The following ABCA13 variants were observed in gnomAD, a reference collection of about 807,000 sequenced individuals.
ABCA13 encodes the protein ATP-binding cassette sub-family A member 13.
ABCA13 carries 476 observed loss-of-function variants against 478.7 expected under a neutral mutation model. The ratio of observed to expected loss-of-function variants is 0.99; its 90% CI spans 0.92 to 1.07. The LOEUF (loss-of-function observed/expected upper bound fraction) is 1.07. Among genes scored for constraint, ABCA13 ranks in the 50% least tolerant of loss-of-function variants. ABCA13 has a pLI of 0.00. For synonymous variants in ABCA13, 2,252 were observed against 2,158.9 expected (o/e 1.04, Z -1.20); for missense variants, 6,060 against 5,910.6 (o/e 1.03, Z -0.83).
chr7:48,483,641 C>T (rs1488461963), intron 47 of ABCA13, among the ~76,000 whole-genome samples: 1 of 152,132 alleles, frequency 6.6e-6, no homozygotes, highest in Non-Finnish European at 1.5e-5. Context: ...TAGGAATGGT[C>T]CCCTTAGAAT....
chr7:48,618,411 C>G (rs1266154474), intron 59 of ABCA13, among the ~76,000 whole-genome samples: 1 of 152,172 alleles, frequency 6.6e-6, no homozygotes, highest in African/African-American at 2.4e-5. Flanking sequence ...CTGGACTGAC[C>G]TCATCCTTAG....
chr7:48,345,036 C>T (rs919204548), intron 29 of ABCA13, among the ~76,000 whole-genome samples: 13 of 152,168 alleles, frequency 8.5e-5, no homozygotes, highest in Non-Finnish European at 1.6e-4. Flanking sequence ...CATTGATCTG[C>T]ATACATGATG....
chr7:48,302,637 G>A (rs113983692), intron 23 of ABCA13, among the ~76,000 whole-genome samples: 3,502 of 152,180 alleles, frequency 0.023, 50 homozygotes, highest in Non-Finnish European at 0.037. Flanking sequence ...GACGATAATG[G>A]CCTCCAGCTC....
chr7:48,230,867 T>C, intron 7 of ABCA13, among the ~76,000 whole-genome samples: 1 of 152,198 alleles, frequency 6.6e-6, no homozygotes, highest in South Asian at 2.1e-4. Context: ...ATTCATTCTC[T>C]CATTGAATAA....
At chr7:48,180,788 GT>G (rs1163287238) in intron 1 of ABCA13, among the ~76,000 whole-genome samples, 1 of 152,106 alleles carries the variant, frequency 6.6e-6, no homozygotes, top group Non-Finnish European at 1.5e-5. Flanking sequence ...TGTAGTCCCA[GT>G]TACTAGGGAG....
chr7:48,387,683 A>T (rs2129051227), intron 35 of ABCA13, 139 bp from the exon 36 acceptor site: 2 of 739,470 alleles, frequency 2.7e-6, no homozygotes, highest in East Asian at 2.9e-5. Flanking sequence ...GTGCCCTGGG[A>T]TATCACATTT....
chr7:48,240,469 G>A (rs142027977), intron 9 of ABCA13, among the ~76,000 whole-genome samples: 49 of 152,278 alleles, frequency 3.2e-4, no homozygotes, highest in African/African-American at 8.9e-4. Context: ...TGTCCGTGTC[G>A]TAAAATGACA....
chr7:48,406,458 G>T (rs767581500), intron 39 of ABCA13, among the ~76,000 whole-genome samples: 5 of 152,176 alleles, frequency 3.3e-5, no homozygotes, highest in East Asian at 1.9e-4. Context: ...TCAATGACAG[G>T]TTATCATTAT....
chr7:48,271,785 A>T lies in ABCA13; in HGVS notation c.2121-2A>T, dbSNP rs752998665. 2 of 1,444,014 alleles carry T rather than the reference A, an allele frequency of 1.4e-6. No homozygotes were observed. The highest frequency in any genetic ancestry group is 1.8e-6 in the Non-Finnish European group (2 of 1,093,660). 89.5% of individuals were successfully genotyped at this position (1,444,014 alleles called of 1,614,324 possible). On this transcript the variant is annotated splice_acceptor_variant, in intron 16 of 61. Transcript: ENST00000435803. LOFTEE classifies it high-confidence loss of function. ...ACTAAAATAATTCTATTAATATTAC[A>T]GGGCTTTAAATTTCACAAAGCACCT...
chr7:48,414,014 T>C (rs758297960), intron 41 of ABCA13, among the ~76,000 whole-genome samples: 4 of 152,196 alleles, frequency 2.6e-5, no homozygotes, highest in African/African-American at 4.8e-5. Context: ...CTGTATTCCA[T>C]GCATCATCAG....
At chr7:48,300,640 C>G (rs1800019525) in intron 23 of ABCA13, among the ~76,000 whole-genome samples, 1 of 152,184 alleles carries the variant, frequency 6.6e-6, no homozygotes, top group Non-Finnish European at 1.5e-5. Context: ...CAGAAGGAGG[C>G]AAATGCAGCA....
At chr7:48,572,756 T>G (rs1046768871) in intron 55 of ABCA13, among the ~76,000 whole-genome samples, 2 of 152,156 alleles carry the variant, frequency 1.3e-5, no homozygotes, top group Non-Finnish European at 2.9e-5. Flanking sequence ...ATGGCCTCAG[T>G]AAGTAACTTG....
At chr7:48,303,904 TA>T (rs1190475168) in intron 23 of ABCA13, among the ~76,000 whole-genome samples, 1 of 152,232 alleles carries the variant, frequency 6.6e-6, no homozygotes, top group East Asian at 1.9e-4. Flanking sequence ...AGGTATAACC[TA>T]ACACCTATTT....
At chr7:48,502,884 G>A (rs1413894878) in intron 48 of ABCA13, among the ~76,000 whole-genome samples, 3 of 152,158 alleles carry the variant, frequency 2.0e-5, no homozygotes, top group Admixed American at 1.3e-4. Context: ...CTGCTCACAA[G>A]TTTGAAAGGA....
At chr7:48,404,007 A>AT in intron 39 of ABCA13, 128 bp downstream of exon 39, 5 of 1,180,710 alleles carry the variant, frequency 4.2e-6, no homozygotes, top group Non-Finnish European at 6.1e-6. Context: ...AAAAATATAA[A>AT]TTTTTAAAAG....
intron 24 of ABCA13, among the ~76,000 whole-genome samples, chr7:48,311,268 C>CCA (rs1217719274): frequency 1.3e-5 from 2 of 151,556 alleles, no homozygotes; most frequent in Non-Finnish European, 2.9e-5. Flanking sequence ...ACACACACAC[C>CCA]CACACACACA....
chr7:48,425,998 C>T (rs1563236429), intron 41 of ABCA13, among the ~76,000 whole-genome samples: 1 of 152,168 alleles, frequency 6.6e-6, no homozygotes, highest in Non-Finnish European at 1.5e-5. Flanking sequence ...GCCTCGGCCT[C>T]CCAAAGTGCT....
chr7:48,272,233 T>C lies in ABCA13; in HGVS notation c.2567T>C (p.Leu856Pro). 1 of 1,612,210 alleles carries C rather than the reference T, an allele frequency of 6.2e-7. No individual in the cohort carries two copies. Among genetic ancestry groups the C allele is most frequent in the Non-Finnish European group, 8.5e-7 (1 of 1,179,380 alleles). ...KRAKLENFFT[L>P]LNFSVPENEI... ...GCTAAATTGGAAAACTTCTTTACAC[T>C]TTTAAATTTTTCTGTTCCAGAAAAT... Residue 856 changes from leucine to proline, a missense_variant, in exon 17 of 62, where the codon CTT becomes CCT. This residue lies in a region of ABCA13 where 4,423 missense variants were observed against 4,309.1 expected (regional missense o/e 1.03). Coordinates refer to ENST00000435803, the MANE Select transcript of ABCA13 (RefSeq NM_152701.5).
At chr7:48,424,672 T>G (rs1244817787) in intron 41 of ABCA13, among the ~76,000 whole-genome samples, 1 of 152,202 alleles carries the variant, frequency 6.6e-6, no homozygotes, top group East Asian at 1.9e-4. Flanking sequence ...GTAAGTTTTC[T>G]TTCATTAAAT....
Sources: gnomAD v4.1 joint callset for allele counts (sites outside exome capture counted in the v4.1 genomes callset) on GRCh38, gnomAD v4.1.1 for gene constraint, gnomAD v4.1.1 regional missense constraint, MANE v1.5 for transcripts, NCBI Gene and HGNC (gene_info 2026-07-23, HGNC 2026-07-21) for gene names.